Variants in MACROD2 observed in about 807,000 individuals in gnomAD.
MACROD2 encodes ADP-ribose glycohydrolase MACROD2.
MACROD2 carries 36 observed loss-of-function variants against 70.4 expected under a neutral mutation model. The ratio of observed to expected loss-of-function variants is 0.51; its 90% CI spans 0.39 to 0.68. MACROD2 has a LOEUF of 0.68. Ranked by LOEUF, MACROD2 falls within the 30% of genes least tolerant of loss-of-function variation. MACROD2 has a pLI of 0.00. For synonymous variants in MACROD2, 172 were observed against 178.8 expected (o/e 0.96, Z 0.30); for missense variants, 496 against 538.4 (o/e 0.92, Z 0.78).
In MACROD2 at chr20:15,125,603, A is replaced by G. The variant is rs2076060677; in HGVS notation, c.419-104337A>G. Reference sequence around the variant, plus strand: ...TTATTTTATGTATTTGATACCTTGAATGGATCATTTTTACCATACTTTCCT... The same window carrying G: ...TTATTTTATGTATTTGATACCTTGAGTGGATCATTTTTACCATACTTTCCT... On this transcript the variant is annotated intron_variant, in intron 5 of 17. Transcript: ENST00000684519. Among the ~76,000 whole-genome samples the G allele has an allele frequency of 2.6e-5, 4 of 152,090 alleles. No homozygotes were observed. The South Asian group carries it at 8.3e-4, about 31-fold the overall frequency.
chr20:15,151,018 C>T (rs1192836901), intron 5 of MACROD2, among the ~76,000 whole-genome samples: 5 of 151,960 alleles, frequency 3.3e-5, no homozygotes, highest in African/African-American at 7.3e-5. Flanking sequence ...TTACCCTCCA[C>T]TGTGAGAGTT....
At chr20:15,656,669 G>A (rs1055404536) in intron 8 of MACROD2, among the ~76,000 whole-genome samples, 1 of 152,166 alleles carries the variant, frequency 6.6e-6, no homozygotes, top group Non-Finnish European at 1.5e-5. Flanking sequence ...AAAGCTCTGT[G>A]TGAAAGCTAA....
chr20:15,000,661 A>T lies in MACROD2; in HGVS notation c.419-229279A>T, dbSNP rs1445303372. 1.3e-4 allele frequency among the ~76,000 whole-genome samples: 19 copies of T among 148,658 alleles called. 2 individuals are homozygous for T. Among genetic ancestry groups the T allele is most frequent in the African/African-American group, 2.0e-4 (8 of 40,526 alleles). The stretch of plus-strand genomic sequence containing the variant: ...AAAAAAAAAAAAAAAAAAAAAAAAA[A>T]GAGGTAGAAACATGGAAATGTTCAT... On this transcript the variant is annotated intron_variant, in intron 5 of 17. Coordinates refer to ENST00000684519, the MANE Select transcript of MACROD2 (RefSeq NM_001351661.2).
chr20:15,006,114 C>T (rs1208178694), intron 5 of MACROD2, among the ~76,000 whole-genome samples: 2 of 149,736 alleles, frequency 1.3e-5, no homozygotes, highest in African/African-American at 4.9e-5. Context: ...ATTAAAAAGA[C>T]ACAAAGAATG....
intron 4 of MACROD2, among the ~76,000 whole-genome samples, chr20:14,520,801 CTTGT>C (rs2085159324): frequency 6.6e-6 from 1 of 151,886 alleles, no homozygotes; most frequent in African/African-American, 2.4e-5. Flanking sequence ...TTGTTTTTTT[CTTGT>C]TTGTTATAGA....
At chr20:15,481,978 T>C (rs1240110883) in intron 7 of MACROD2, among the ~76,000 whole-genome samples, 2 of 152,164 alleles carry the variant, frequency 1.3e-5, no homozygotes, top group East Asian at 3.9e-4. Context: ...GGGGGGTTTG[T>C]GAATCATTAT....
chr20:15,612,420 T>G (rs995843196), intron 8 of MACROD2, among the ~76,000 whole-genome samples: 4 of 152,234 alleles, frequency 2.6e-5, no homozygotes, highest in Non-Finnish European at 4.4e-5. Flanking sequence ...CACATTACAT[T>G]ATCTCTGTCT....
intron 6 of MACROD2, among the ~76,000 whole-genome samples, chr20:15,240,345 T>C (rs1457327096): frequency 6.6e-6 from 1 of 152,222 alleles, no homozygotes; most frequent in Non-Finnish European, 1.5e-5. Context: ...CATTTGTTTT[T>C]ATTTTCTTCT....
intron 5 of MACROD2, among the ~76,000 whole-genome samples, chr20:14,902,610 G>A (rs1016855586): frequency 1.3e-5 from 2 of 152,096 alleles, no homozygotes; most frequent in Non-Finnish European, 2.9e-5. Flanking sequence ...TGTGGTCAGG[G>A]TTGCCAAAGA....
At chr20:15,849,532 A>G (rs1322618574) in intron 8 of MACROD2, among the ~76,000 whole-genome samples, 1 of 152,130 alleles carries the variant, frequency 6.6e-6, no homozygotes, top group Non-Finnish European at 1.5e-5. Flanking sequence ...TAGCATTCTC[A>G]TTTTGAGTGG....
At chr20:14,883,741 G>C (rs2073637885) in intron 5 of MACROD2, among the ~76,000 whole-genome samples, 1 of 152,024 alleles carries the variant, frequency 6.6e-6, no homozygotes, top group Non-Finnish European at 1.5e-5. Context: ...CTTAATATAG[G>C]GACAATGTCT....
intron 3 of MACROD2, chr20:14,324,883 C>G (rs926242280): frequency 4.6e-5 from 7 of 152,400 alleles, no homozygotes; most frequent in Admixed American, 6.6e-5. Flanking sequence ...AGACTTCATG[C>G]TCCTTTTATG....
At chr20:15,102,345 G>A (rs1003103316) in intron 5 of MACROD2, among the ~76,000 whole-genome samples, 1 of 151,978 alleles carries the variant, frequency 6.6e-6, no homozygotes, top group Non-Finnish European at 1.5e-5. Context: ...CCTGGAGAAA[G>A]TTTAACTAGT....
At chr20:14,803,719 G>A (rs558546698) in intron 5 of MACROD2, among the ~76,000 whole-genome samples, 10 of 152,106 alleles carry the variant, frequency 6.6e-5, no homozygotes, top group South Asian at 6.2e-4. Context: ...GACCTCAGGC[G>A]ATTCACCCAC....
intron 5 of MACROD2, among the ~76,000 whole-genome samples, chr20:15,063,624 G>A (rs1294930709): frequency 6.6e-6 from 1 of 152,178 alleles, no homozygotes; most frequent in Non-Finnish European, 1.5e-5. Context: ...TACCAGGTAG[G>A]TGTCTGCATT....
At chr20:14,631,499 G>A (rs1277884226) in intron 4 of MACROD2, among the ~76,000 whole-genome samples, 1 of 152,178 alleles carries the variant, frequency 6.6e-6, no homozygotes. Context: ...GGCCGGGCAC[G>A]GTGGCTTACG....
chr20:14,288,791 C>T lies in MACROD2; in HGVS notation c.271+203063C>T, dbSNP rs140824372. On this transcript the variant is annotated intron_variant, in intron 3 of 17. Transcript: ENST00000684519. ...CTGTTCTCTGACTCAGTGGTGAAAG[C>T]ATGACATATGCCAGTCTAATCAGAG... Among the ~76,000 whole-genome samples the T allele has an allele frequency of 2.6e-5, 4 of 152,330 alleles. No homozygotes were observed. In the East Asian group the frequency reaches 7.7e-4, roughly 29 times the overall value.
intron 12 of MACROD2, among the ~76,000 whole-genome samples, chr20:15,964,645 C>A (rs1406312369): frequency 6.6e-6 from 1 of 152,126 alleles, no homozygotes; most frequent in Non-Finnish European, 1.5e-5. Context: ...TTCAATGCAG[C>A]TTTCATCACC....
intron 5 of MACROD2, among the ~76,000 whole-genome samples, chr20:14,880,739 A>C (rs1290630412): frequency 6.6e-6 from 1 of 152,236 alleles, no homozygotes; most frequent in Admixed American, 6.5e-5. Context: ...AGAGATTTTA[A>C]AGACAAACTG....
Sources: gnomAD v4.1 joint callset for allele counts (sites outside exome capture counted in the v4.1 genomes callset) on GRCh38, gnomAD v4.1.1 for gene constraint, MANE v1.5 for transcripts, NCBI Gene and HGNC (gene_info 2026-07-23, HGNC 2026-07-21) for gene names.